The following EPHA6 variants were observed in gnomAD, a reference collection of about 807,000 sequenced individuals.
EPHA6 encodes EPH receptor A6, also known as ephrin type-A receptor 6.
A neutral mutation model predicts 112.0 loss-of-function variants in EPHA6; 50 were observed. The ratio of observed to expected loss-of-function variants is 0.45; its 90% CI spans 0.36 to 0.56. The LOEUF is 0.56. Among genes scored for constraint, EPHA6 ranks in the 20% least tolerant of loss-of-function variants. The pLI is 0.00. For synonymous variants in EPHA6, 529 were observed against 490.7 expected (o/e 1.08, Z -1.03); for missense variants, 1,280 against 1,417.4 (o/e 0.90, Z 1.56).
chr3:97,542,768 C>CT (rs1340891090), intron 11 of EPHA6, among the ~76,000 whole-genome samples: 19 of 152,312 alleles, frequency 1.2e-4, no homozygotes, highest in East Asian at 1.9e-4. Flanking sequence ...TGTTTCCTGA[C>CT]TTTTTAATGA....
At chr3:97,217,758 G>A (rs913646573) in intron 3 of EPHA6, among the ~76,000 whole-genome samples, 9 of 152,172 alleles carry the variant, frequency 5.9e-5, no homozygotes, top group African/African-American at 2.2e-4. Context: ...CATGTAGGGA[G>A]TGGCAAGAAG....
At chr3:97,470,708 G>A (rs1047079898) in intron 7 of EPHA6, among the ~76,000 whole-genome samples, 1 of 151,076 alleles carries the variant, frequency 6.6e-6, no homozygotes, top group Non-Finnish European at 1.5e-5. Context: ...ACTTAATAAT[G>A]TCATCACAAC....
intron 2 of EPHA6, among the ~76,000 whole-genome samples, chr3:96,981,407 A>G (rs1442322599): frequency 3.3e-5 from 5 of 152,040 alleles, no homozygotes; most frequent in Non-Finnish European, 5.9e-5. Flanking sequence ...AGCCCACTTG[A>G]TCATGGTGGA....
At chr3:97,144,184 T>C (rs974101884) in intron 3 of EPHA6, among the ~76,000 whole-genome samples, 1 of 151,728 alleles carries the variant, frequency 6.6e-6, no homozygotes, top group Non-Finnish European at 1.5e-5. Context: ...CACAGAACTT[T>C]CCATTTTTGT....
chr3:96,976,505 C>A (rs987119665), intron 2 of EPHA6, among the ~76,000 whole-genome samples: 5 of 152,040 alleles, frequency 3.3e-5, no homozygotes, highest in Non-Finnish European at 7.4e-5. Context: ...TAAAAAAAGG[C>A]TTTTAAAGTA....
At chr3:97,396,406 T>A (rs1045542958) in intron 5 of EPHA6, among the ~76,000 whole-genome samples, 1 of 150,600 alleles carries the variant, frequency 6.6e-6, no homozygotes, top group African/African-American at 2.4e-5. Flanking sequence ...TCATAAGTAT[T>A]GAATTTTCAA....
At chr3:96,911,754 A>G (rs758031523) in intron 2 of EPHA6, among the ~76,000 whole-genome samples, 3 of 152,082 alleles carry the variant, frequency 2.0e-5, no homozygotes, top group Non-Finnish European at 4.4e-5. Flanking sequence ...ATAGCCTAGT[A>G]ATGATTGGCT....
chr3:97,015,700 A>G (rs1272871407), intron 3 of EPHA6, among the ~76,000 whole-genome samples: 1 of 152,194 alleles, frequency 6.6e-6, no homozygotes, highest in Non-Finnish European at 1.5e-5. Context: ...AGAGGAGTGA[A>G]CACTGCTGGT....
At chr3:97,319,557 C>A (rs1476366001) in intron 5 of EPHA6, among the ~76,000 whole-genome samples, 1 of 151,008 alleles carries the variant, frequency 6.6e-6, no homozygotes, top group Non-Finnish European at 1.5e-5. Context: ...GTAATCCCAA[C>A]TACTTGGAAG....
chr3:97,273,092 G>T (rs1354221915), intron 5 of EPHA6, among the ~76,000 whole-genome samples: 1 of 152,100 alleles, frequency 6.6e-6, no homozygotes, highest in African/African-American at 2.4e-5. Context: ...TTGTCATTTA[G>T]AATTATTGGT....
At chr3:97,336,999 C>A (rs767892205) in intron 5 of EPHA6, among the ~76,000 whole-genome samples, 13 of 151,404 alleles carry the variant, frequency 8.6e-5, no homozygotes, top group Non-Finnish European at 4.4e-5. Context: ...AGTAAAAAAT[C>A]GATATTTCAT....
intron 3 of EPHA6, among the ~76,000 whole-genome samples, chr3:97,121,114 GT>G (rs1487097105): frequency 6.6e-6 from 1 of 151,932 alleles, no homozygotes; most frequent in Non-Finnish European, 1.5e-5. Context: ...TCTTCCCACT[GT>G]TTCCTAAAGC....
At chr3:96,979,630 T>A (rs1247251090) in intron 2 of EPHA6, among the ~76,000 whole-genome samples, 3 of 152,184 alleles carry the variant, frequency 2.0e-5, no homozygotes, top group Non-Finnish European at 2.9e-5. Flanking sequence ...CGCCACACTG[T>A]CTTCCACAAT....
chr3:96,936,940 A>C (rs1194596376), intron 2 of EPHA6, among the ~76,000 whole-genome samples: 11 of 151,344 alleles, frequency 7.3e-5, no homozygotes. Flanking sequence ...GCCATGAACT[A>C]CTCCTTTTTT....
intron 14 of EPHA6, among the ~76,000 whole-genome samples, chr3:97,699,711 G>A (rs73850150): frequency 0.085 from 12,950 of 152,156 alleles, 1,782 homozygotes; most frequent in African/African-American, 0.29. Flanking sequence ...AGGCCTGTAC[G>A]AATAAGCTAT....
At chr3:96,901,824 ATGTTATTATCAAC>A (rs2038629856) in intron 2 of EPHA6, among the ~76,000 whole-genome samples, 2 of 152,198 alleles carry the variant, frequency 1.3e-5, no homozygotes, top group South Asian at 4.1e-4. Context: ...CACAGAAATG[ATGTTATTATCAAC>A]TATTTGGATA....
chr3:97,405,391 C>A (rs2087273264), intron 6 of EPHA6, 117 bp downstream of exon 6: 2 of 806,236 alleles, frequency 2.5e-6, no homozygotes, highest in African/African-American at 1.8e-5. Flanking sequence ...TTTGGCCTAG[C>A]CTCATACCTT....
intron 5 of EPHA6, among the ~76,000 whole-genome samples, chr3:97,400,538 A>G (rs2109104431): frequency 6.6e-6 from 1 of 151,744 alleles, no homozygotes; most frequent in East Asian, 1.9e-4. Flanking sequence ...TAACAATACT[A>G]ATTATTTGAA....
At chr3:97,288,432 C>A (rs1330674737) in intron 5 of EPHA6, among the ~76,000 whole-genome samples, 1 of 152,210 alleles carries the variant, frequency 6.6e-6, no homozygotes, top group Non-Finnish European at 1.5e-5. Flanking sequence ...TTTTTCATGA[C>A]TGCTTAGTAT....
Sources: allele counts gnomAD v4.1 joint callset (sites outside exome capture counted in the v4.1 genomes callset), GRCh38; gene constraint gnomAD v4.1.1; transcripts MANE v1.5; gene names NCBI Gene and HGNC (gene_info 2026-07-23, HGNC 2026-07-21).